The following SNX29 variants were observed in gnomAD, a reference collection of about 807,000 sequenced individuals.
SNX29 encodes sorting nexin 29.
Under a neutral mutation model 102.1 loss-of-function variants are expected in SNX29, and 78 were observed. The ratio of observed to expected loss-of-function variants is 0.76; its 90% CI spans 0.64 to 0.92. The LOEUF is 0.92. SNX29 is among the 40% of genes least tolerant of loss of function. The pLI is 0.00. For missense variants in SNX29, 1,280 were observed against 1,061.7 expected, an observed-to-expected ratio of 1.21 and a Z score of -2.86; for synonymous variants, 580 against 414.5, an observed-to-expected ratio of 1.40 and a Z score of -4.85.
chr16:12,025,994 T>C (rs1053801640), intron 3 of SNX29, among the ~76,000 whole-genome samples: 1 of 152,186 alleles, frequency 6.6e-6, no homozygotes, highest in Non-Finnish European at 1.5e-5. Context: ...TATTAAAGTG[T>C]TGATGAGAAG....
intron 9 of SNX29, among the ~76,000 whole-genome samples, chr16:12,062,705 A>C (rs184303597): frequency 3.5e-4 from 53 of 152,308 alleles, no homozygotes; most frequent in Non-Finnish European, 6.3e-4. Context: ...CTCTGGGCCC[A>C]GATTTAGGAA....
chr16:12,108,819 T>C (rs908426265), intron 11 of SNX29, among the ~76,000 whole-genome samples: 11 of 152,090 alleles, frequency 7.2e-5, no homozygotes, highest in African/African-American at 2.4e-4. Context: ...AACAGAGTAC[T>C]TGAAGTTGGG....
At chr16:12,431,180 G>C (rs2085298004) in intron 18 of SNX29, among the ~76,000 whole-genome samples, 1 of 152,108 alleles carries the variant, frequency 6.6e-6, no homozygotes, top group East Asian at 1.9e-4. Flanking sequence ...GGAGTTGGGA[G>C]TGAGTGGGGT....
chr16:12,034,842 C>G (rs1036173701), intron 4 of SNX29, among the ~76,000 whole-genome samples: 4 of 152,082 alleles, frequency 2.6e-5, no homozygotes, highest in Non-Finnish European at 5.9e-5. Flanking sequence ...GAAACCCTGT[C>G]TCCATTAAAA....
At chr16:12,044,178 C>G (rs2049997173) in intron 5 of SNX29, among the ~76,000 whole-genome samples, 1 of 152,202 alleles carries the variant, frequency 6.6e-6, no homozygotes, top group South Asian at 2.1e-4. Flanking sequence ...CAGCAACGCC[C>G]AGATCGTCAA....
At chr16:12,272,394 C>T (rs749583306) in intron 14 of SNX29, among the ~76,000 whole-genome samples, 3 of 152,306 alleles carry the variant, frequency 2.0e-5, no homozygotes, top group African/African-American at 4.8e-5. Context: ...TTTGGAGTCA[C>T]GGGTAGAGCA....
intron 1 of SNX29, among the ~76,000 whole-genome samples, chr16:11,987,602 G>A (rs1222149152): frequency 6.6e-6 from 1 of 152,008 alleles, no homozygotes; most frequent in African/African-American, 2.4e-5. Flanking sequence ...TCACCATGTT[G>A]GCCAGGCTGG....
intron 14 of SNX29, among the ~76,000 whole-genome samples, chr16:12,224,994 A>G (rs893613290): frequency 1.3e-5 from 2 of 152,178 alleles, no homozygotes; most frequent in Non-Finnish European, 2.9e-5. Flanking sequence ...CAAGGGTGGG[A>G]TAGTTGATAA....
At chr16:12,429,647 C>T (rs528898420) in intron 18 of SNX29, among the ~76,000 whole-genome samples, 1 of 152,348 alleles carries the variant, frequency 6.6e-6, no homozygotes, top group Admixed American at 6.5e-5. Context: ...TCTTGCGGTG[C>T]ACAGTGTTCC....
intron 16 of SNX29, among the ~76,000 whole-genome samples, chr16:12,358,207 T>G (rs1361648689): frequency 6.6e-6 from 1 of 152,208 alleles, no homozygotes; most frequent in African/African-American, 2.4e-5. Context: ...CCTGTTTGTG[T>G]GCAAAAGTTC....
chr16:11,981,478 T>C (rs1282864425), intron 1 of SNX29, among the ~76,000 whole-genome samples: 1 of 152,122 alleles, frequency 6.6e-6, no homozygotes, highest in Non-Finnish European at 1.5e-5. Flanking sequence ...ATCTCTCTCC[T>C]TTTCCCCCTT....
intron 13 of SNX29, among the ~76,000 whole-genome samples, chr16:12,150,468 C>G (rs142628397): frequency 6.6e-6 from 1 of 152,190 alleles, no homozygotes; most frequent in Non-Finnish European, 1.5e-5. Context: ...CAGACCTAAC[C>G]CAGGCCTTCA....
At chr16:12,468,438 A>G (rs1013593272) in intron 18 of SNX29, among the ~76,000 whole-genome samples, 9 of 152,012 alleles carry the variant, frequency 5.9e-5, no homozygotes, top group African/African-American at 2.2e-4. Flanking sequence ...GCCTGGGATT[A>G]CAGGTGTGAG....
intron 20 of SNX29, among the ~76,000 whole-genome samples, chr16:12,535,232 G>A (rs1365557781): frequency 6.6e-6 from 1 of 152,188 alleles, no homozygotes. Flanking sequence ...TCTGCCTCCT[G>A]GGCTCAAGCG....
rs534229024 is a variant in SNX29 at position 12,570,559 on chromosome 16, T to C, written c.*1930T>C. Reference sequence around the variant, plus strand: ...AGGTGTTTGATGCCAGCTCAGAGACTGTCTCAGGAGTGCCTCCCTGGCCTG... The same window carrying C: ...AGGTGTTTGATGCCAGCTCAGAGACCGTCTCAGGAGTGCCTCCCTGGCCTG... On this transcript the variant is annotated 3_prime_UTR_variant, in exon 21 of 21. Transcript: ENST00000566228. 1.9e-4 allele frequency: 44 copies of C among 232,232 alleles called. No homozygotes were observed. The highest frequency in any genetic ancestry group is 3.3e-4 in the Non-Finnish European group (39 of 117,516). The allele number at this position is 232,232 out of a possible 1,614,324, so 14.4% of individuals were successfully genotyped here.
At chr16:12,480,237 C>T (rs2087844421) in intron 19 of SNX29, among the ~76,000 whole-genome samples, 1 of 152,194 alleles carries the variant, frequency 6.6e-6, no homozygotes, top group Non-Finnish European at 1.5e-5. Context: ...AAATGAGCGT[C>T]ACAGAGCTAA....
intron 15 of SNX29, among the ~76,000 whole-genome samples, chr16:12,312,571 G>A (rs1018284718): frequency 8.6e-5 from 13 of 152,026 alleles, no homozygotes; most frequent in Non-Finnish European, 1.6e-4. Flanking sequence ...AGGCGTGAGG[G>A]CAGGGGAGGC....
intron 20 of SNX29, among the ~76,000 whole-genome samples, chr16:12,540,531 G>T (rs188956356): frequency 7.2e-5 from 11 of 152,318 alleles, no homozygotes; most frequent in South Asian, 2.1e-4. Context: ...AATTTGTTTC[G>T]CGGCTTCCTG....
chr16:12,540,053 C>G (rs374779519), intron 20 of SNX29, among the ~76,000 whole-genome samples: 31 of 152,170 alleles, frequency 2.0e-4, no homozygotes, highest in African/African-American at 7.5e-4. Context: ...TTTTTGTGTC[C>G]CAGATCATGC....
Sources: gnomAD v4.1 joint callset for allele counts (sites outside exome capture counted in the v4.1 genomes callset) on GRCh38, gnomAD v4.1.1 for gene constraint, MANE v1.5 for transcripts, NCBI Gene and HGNC (gene_info 2026-07-23, HGNC 2026-07-21) for gene names.